FER: variants seen among roughly 807,000 people sequenced by gnomAD.
The protein encoded by FER is tyrosine-protein kinase Fer.
FER carries 63 observed loss-of-function variants against 111.0 expected under a neutral mutation model. The observed-to-expected ratio is 0.57, with a 90% CI of 0.46 to 0.70. The LOEUF (loss-of-function observed/expected upper bound fraction) is 0.70, where lower values mean the gene tolerates loss of function less well. Among genes scored for constraint, FER ranks in the 30% least tolerant of loss-of-function variants. The pLI is 0.00. For missense variants in FER, 914 were observed against 954.0 expected (o/e 0.96, Z 0.55); for synonymous variants, 327 against 313.9 (o/e 1.04, Z -0.44).
At chr5:108,981,283 A>T (rs538522680) in intron 13 of FER, among the ~76,000 whole-genome samples, 1 of 152,218 alleles carries the variant, frequency 6.6e-6, no homozygotes, top group African/African-American at 2.4e-5. Context: ...TATCTTGCTT[A>T]ATTCCCCTAA....
intron 10 of FER, among the ~76,000 whole-genome samples, chr5:108,943,358 C>G (rs1756534585): frequency 1.3e-5 from 2 of 152,144 alleles, no homozygotes; most frequent in African/African-American, 4.8e-5. Context: ...GAGTAATTTG[C>G]TCAGACTCAT....
intron 9 of FER, chr5:108,894,429 C>T (rs532404821): frequency 1.8e-5 from 10 of 558,834 alleles, no homozygotes; most frequent in African/African-American, 6.0e-5. Context: ...CTGCATGTAT[C>T]GGACCACTGA....
chr5:109,093,884 C>A (rs1747139539), intron 16 of FER, among the ~76,000 whole-genome samples: 1 of 152,044 alleles, frequency 6.6e-6, no homozygotes, highest in Admixed American at 6.6e-5. Context: ...GGGTTTCGAG[C>A]CAACATATTA....
chr5:109,092,437 AT>A (rs1746929329), intron 16 of FER, among the ~76,000 whole-genome samples: 1 of 152,112 alleles, frequency 6.6e-6, no homozygotes, highest in Non-Finnish European at 1.5e-5. Context: ...AAAAAACCCA[AT>A]TAAAAAATGA....
chr5:109,026,354 T>C (rs1456481581), intron 13 of FER, among the ~76,000 whole-genome samples: 1 of 152,182 alleles, frequency 6.6e-6, no homozygotes, highest in Non-Finnish European at 1.5e-5. Flanking sequence ...ATAGAACATT[T>C]AAACAAATAC....
chr5:109,051,818 C>T (rs1212768118), intron 16 of FER: 13 of 1,597,490 alleles, frequency 8.1e-6, no homozygotes, highest in Non-Finnish European at 1.1e-5. Flanking sequence ...AAGGACACCA[C>T]CAGCATGAAG....
chr5:109,021,139 AAG>A (rs1433544820), intron 13 of FER, among the ~76,000 whole-genome samples: 2 of 152,028 alleles, frequency 1.3e-5, no homozygotes, highest in African/African-American at 4.8e-5. Context: ...CAGATCCAAA[AAG>A]GTGAATATAT....
intron 3 of FER, among the ~76,000 whole-genome samples, chr5:108,800,076 C>T (rs925461371): frequency 2.6e-5 from 4 of 152,028 alleles, no homozygotes; most frequent in Non-Finnish European, 4.4e-5. Flanking sequence ...CTCCTGACCT[C>T]AAATGATCTA....
chr5:108,889,290 C>G (rs908185462), intron 9 of FER, among the ~76,000 whole-genome samples: 1 of 151,730 alleles, frequency 6.6e-6, no homozygotes, highest in African/African-American at 2.4e-5. Flanking sequence ...TCACAATAGT[C>G]AAGAGTCCGA....
chr5:108,972,130 CA>C (rs1487254836), intron 13 of FER, among the ~76,000 whole-genome samples: 3 of 151,656 alleles, frequency 2.0e-5, no homozygotes, highest in Non-Finnish European at 4.4e-5. Context: ...CTATAAACCC[CA>C]AAAGAACAGA....
intron 15 of FER, among the ~76,000 whole-genome samples, chr5:109,046,045 T>C (rs899753759): frequency 1.3e-5 from 2 of 152,226 alleles, no homozygotes; most frequent in Non-Finnish European, 2.9e-5. Flanking sequence ...AGGTTTTTTT[T>C]CTTAACTCTT....
chr5:108,960,572 A>G (rs2149671265), intron 13 of FER, among the ~76,000 whole-genome samples: 1 of 152,078 alleles, frequency 6.6e-6, no homozygotes, highest in African/African-American at 2.4e-5. Flanking sequence ...TAAATCTTTC[A>G]ATATTTCCTC....
At chr5:108,814,848 TG>T (rs1758122046) in intron 3 of FER, among the ~76,000 whole-genome samples, 1 of 152,144 alleles carries the variant, frequency 6.6e-6, no homozygotes. Flanking sequence ...CCTGAGGGCA[TG>T]TTTCTTGTGT....
intron 10 of FER, among the ~76,000 whole-genome samples, chr5:108,940,498 T>A (rs1245506817): frequency 6.6e-6 from 1 of 152,070 alleles, no homozygotes; most frequent in Non-Finnish European, 1.5e-5. Flanking sequence ...GAAGTAAACC[T>A]AAATGAACCT....
chr5:108,894,442 C>T (rs1394866805), intron 9 of FER: 1 of 484,854 alleles, frequency 2.1e-6, no homozygotes, highest in East Asian at 5.8e-5. Context: ...ACCACTGAGC[C>T]CTGAATGAAG....
intron 13 of FER, among the ~76,000 whole-genome samples, chr5:108,991,330 A>C (rs189148730): frequency 6.6e-6 from 1 of 152,138 alleles, no homozygotes; most frequent in East Asian, 1.9e-4. Context: ...AGGCAAAGGA[A>C]AAAAGTATAG....
In FER at chr5:109,051,423, T is replaced by C. The variant is rs1439068923; in HGVS notation, c.1924+4225T>C. ...GCTGTAGTTCATGTCCAGCAGCTAG[T>C]TTTTTAGAATTCTGGTTATCATCGG... On this transcript the variant is annotated intron_variant, in intron 16 of 19. Coordinates refer to ENST00000281092, the MANE Select transcript of FER (RefSeq NM_005246.4). 20 of 1,612,704 alleles carry C rather than the reference T, an allele frequency of 1.2e-5. 1 individual carries two copies. The East Asian group carries it at 2.9e-4, about 23-fold the overall frequency.
At chr5:108,884,519 T>TTTG (rs1024357593) in intron 9 of FER, among the ~76,000 whole-genome samples, 12 of 151,740 alleles carry the variant, frequency 7.9e-5, no homozygotes, top group African/African-American at 2.9e-4. Context: ...CTGGTTTTTT[T>TTTG]TTTGTTTGTT....
At chr5:108,980,915 T>G (rs1489566518) in intron 13 of FER, among the ~76,000 whole-genome samples, 1 of 152,264 alleles carries the variant, frequency 6.6e-6, no homozygotes, top group Middle Eastern at 3.4e-3. Flanking sequence ...TAGTAAAAAC[T>G]GAAAAACATG....
Sources: gnomAD v4.1 joint callset for allele counts (sites outside exome capture counted in the v4.1 genomes callset) on GRCh38, gnomAD v4.1.1 for gene constraint, MANE v1.5 for transcripts, NCBI Gene and HGNC (gene_info 2026-07-23, HGNC 2026-07-21) for gene names.